The following CEP192 variants were observed in gnomAD, a reference collection of about 807,000 sequenced individuals.
CEP192 encodes centrosomal protein 192, also known as centrosomal protein of 192 kDa.
CEP192 carries 151 observed loss-of-function variants against 271.8 expected under a neutral mutation model. The ratio of observed to expected loss-of-function variants is 0.56; its 90% CI spans 0.49 to 0.64. CEP192 has a LOEUF of 0.64. Ranked by LOEUF, CEP192 falls within the 30% of genes least tolerant of loss-of-function variation. The pLI is 0.00. For synonymous variants in CEP192, 995 were observed against 1,076.5 expected (o/e 0.92, Z 1.48); for missense variants, 2,910 against 3,020.5 (o/e 0.96, Z 0.86).
rs562048636 is a variant in CEP192, at chr18:13,103,021, C to A, written c.6872-488C>A. ...TCATTGGTTGTTATTTCTGATTTAT[C>A]TTCTTCCTCCCTCCTGCCACTCTGT... On this transcript the variant is annotated intron_variant, in intron 38 of 44. Coordinates refer to ENST00000506447, the MANE Select transcript of CEP192 (RefSeq NM_032142.4). Among the ~76,000 whole-genome samples the A allele has an allele frequency of 3.9e-5, 6 of 152,310 alleles. No homozygotes were observed. The East Asian group carries it at 1.2e-3, about 29-fold the overall frequency.
rs112518592 is a variant in CEP192 at position 13,047,087 on chromosome 18, C to T, written c.2068-1772C>T. On this transcript the variant is annotated intron_variant, in intron 15 of 44. Coordinates refer to ENST00000506447, the MANE Select transcript of CEP192 (RefSeq NM_032142.4). ...GTTGGGTAGCTTTTGTTTTACCCTA[C>T]AGTTTAGAGGAAAAATCGTTGAAAT... Among the ~76,000 whole-genome samples, 1,125 of 152,166 alleles carry T rather than the reference C, an allele frequency of 7.4e-3. 10 individuals are homozygous for T. The highest frequency in any genetic ancestry group is 0.021 in the African/African-American group (889 of 41,488).
chr18:13,094,124 C>T (rs537126295), intron 34 of CEP192, among the ~76,000 whole-genome samples: 1 of 152,282 alleles, frequency 6.6e-6, no homozygotes, highest in South Asian at 2.1e-4. Flanking sequence ...TCTTCTCAGG[C>T]AGTGTACAGT....
intron 3 of CEP192, among the ~76,000 whole-genome samples, chr18:13,005,762 A>G (rs1446556607): frequency 6.6e-6 from 1 of 152,160 alleles, no homozygotes; most frequent in Non-Finnish European, 1.5e-5. Flanking sequence ...CTGGTGAGGG[A>G]TGGCTTCTTT....
chr18:13,094,080 T>C (rs2144774980), intron 34 of CEP192, among the ~76,000 whole-genome samples: 1 of 152,344 alleles, frequency 6.6e-6, no homozygotes, highest in South Asian at 2.1e-4. Flanking sequence ...TTCACACTTT[T>C]GGTAGGAATG....
intron 42 of CEP192, among the ~76,000 whole-genome samples, chr18:13,115,644 A>G (rs1311918115): frequency 2.6e-5 from 4 of 152,178 alleles, no homozygotes; most frequent in Non-Finnish European, 4.4e-5. Context: ...GACTGGAGAT[A>G]GGAGGGCCTC....
At chr18:13,096,935 A>G (rs1026403046) in intron 36 of CEP192, among the ~76,000 whole-genome samples, 7 of 152,184 alleles carry the variant, frequency 4.6e-5, no homozygotes, top group African/African-American at 1.7e-4. Context: ...TCAGGACTTC[A>G]TCTGGCCAGC....
chr18:13,026,121 T>C (rs35790309), intron 9 of CEP192, among the ~76,000 whole-genome samples: 107,806 of 152,114 alleles, frequency 0.71, 39,388 homozygotes, highest in African/African-American at 0.89. Context: ...GATAATTTCT[T>C]AGGGTACAGA....
intron 40 of CEP192, among the ~76,000 whole-genome samples, chr18:13,109,922 T>C (rs2040132933): frequency 6.6e-6 from 1 of 152,158 alleles, no homozygotes; most frequent in African/African-American, 2.4e-5. Flanking sequence ...GGTAAATAAA[T>C]GTGTTGCAAA....
chr18:13,078,585 C>T (rs1766627108), intron 30 of CEP192, among the ~76,000 whole-genome samples: 1 of 152,118 alleles, frequency 6.6e-6, no homozygotes, highest in Admixed American at 6.6e-5. Context: ...CATATCCTCT[C>T]CAGCATCTGT....
chr18:13,012,334 A>T (rs577651179), intron 4 of CEP192, among the ~76,000 whole-genome samples: 1 of 152,246 alleles, frequency 6.6e-6, no homozygotes, highest in East Asian at 1.9e-4. Context: ...GTACCTACCC[A>T]TTGGTATAAG....
In CEP192 at chr18:13,049,165, AG is replaced by A. The variant is rs1386834611; in HGVS notation, c.2375del (p.Arg792AsnfsTer36). 6.2e-7 allele frequency: 1 copy of A among 1,614,014 alleles called. No homozygotes were observed. The highest frequency in any genetic ancestry group is 1.7e-5 in the Admixed American group (1 of 60,016). On this transcript the variant is annotated frameshift_variant, in exon 16 of 45. Coordinates refer to ENST00000506447, the MANE Select transcript of CEP192 (RefSeq NM_032142.4). LOFTEE classifies it high-confidence loss of function. ...ATACCTTAAAAAAACAGAAGTTAGT[AG>A]ATATGAAAGTGCATTGGAAAACTTT... The part of the protein sequence containing the change: ...EKYLKKTEVS[R>X]YESALENFSR...
Position 13,092,468 on chromosome 18 carries a change from T to A in CEP192, c.6195T>A (p.Asp2065Glu). 1 of 1,609,842 alleles carries A rather than the reference T, an allele frequency of 6.2e-7. No homozygotes were observed. The highest frequency in any genetic ancestry group is 8.5e-7 in the Non-Finnish European group (1 of 1,177,246). ...IILSVIGEFRDCISSREFLQP... is the reference protein window; with the variant it reads ...IILSVIGEFRECISSREFLQP... ...TTTCAGTAATTGGAGAATTCAGAGA[T>A]TGCATTTCTAGCAGAGAATTCCTTC... The change falls in exon 34 of 45, where the codon GAT (aspartate) becomes GAA (glutamate). Residue 2065 changes from aspartate (D) to glutamate (E), a missense_variant. Transcript: ENST00000506447.
intron 4 of CEP192, 109 bp downstream of exon 4, chr18:13,008,740 G>A: frequency 1.2e-6 from 1 of 842,600 alleles, no homozygotes; most frequent in Admixed American, 3.0e-5. Context: ...TCGCACTCCT[G>A]TCGCCCAGGC....
At chr18:13,011,226 CAAA>C (rs200151034) in intron 4 of CEP192, among the ~76,000 whole-genome samples, 6 of 130,062 alleles carry the variant, frequency 4.6e-5, no homozygotes, top group Admixed American at 1.5e-4. Context: ...GACTCTGTCT[CAAA>C]AAAAAAAAAA....
chr18:13,072,620 A>G lies in CEP192; in HGVS notation c.5349-135A>G, dbSNP rs573240470. The G allele has an allele frequency of 2.9e-5, 19 of 664,108 alleles. 1 individual carries two copies. In the South Asian group the frequency reaches 3.3e-4, roughly 11 times the overall value. 41.1% of individuals were successfully genotyped at this position (664,108 alleles called of 1,614,324 possible). A position where few individuals can be genotyped will look rare whatever the true frequency, so the allele number is the denominator to read the frequency against. On this transcript the variant is annotated intron_variant, in intron 28 of 44. Coordinates refer to ENST00000506447, the MANE Select transcript of CEP192 (RefSeq NM_032142.4). Reference sequence around the variant, plus strand: ...TAGAGCCTAGGACTGTGGGGAGACAATTCCAGGCTACTGAAATGGCTTGTA... The same window carrying G: ...TAGAGCCTAGGACTGTGGGGAGACAGTTCCAGGCTACTGAAATGGCTTGTA...
At chr18:13,114,089 T>A in intron 41 of CEP192, 41 bp from the exon 42 acceptor site, 1 of 1,575,316 alleles carries the variant, frequency 6.3e-7, no homozygotes, top group East Asian at 2.2e-5. Context: ...ATTTTCTTAG[T>A]TTTTATTTCT....
Position 13,092,357 on chromosome 18 carries a change from A to G in CEP192, c.6104-20A>G. On this transcript the variant is annotated intron_variant, in intron 33 of 44. Transcript: ENST00000506447. ...CTTGTGTGAACATTCATGTATTTCA[A>G]ACATTATTTTCTATTTCAGTATATG... 2.6e-6 allele frequency: 4 copies of G among 1,526,720 alleles called. No individual in the cohort carries two copies. Among genetic ancestry groups the G allele is most frequent in the Non-Finnish European group, 3.6e-6 (4 of 1,112,932 alleles). 94.6% of individuals were successfully genotyped at this position (1,526,720 alleles called of 1,614,324 possible).
intron 3 of CEP192, among the ~76,000 whole-genome samples, chr18:13,006,068 A>G (rs901382456): frequency 3.3e-5 from 5 of 152,052 alleles, no homozygotes; most frequent in African/African-American, 1.2e-4. Flanking sequence ...TCAGTTCTGG[A>G]TAATTATGGT....
intron 40 of CEP192, among the ~76,000 whole-genome samples, chr18:13,110,878 C>T (rs558529803): frequency 2.0e-5 from 3 of 152,196 alleles, no homozygotes; most frequent in East Asian, 1.9e-4. Context: ...GCATCCAGCA[C>T]GGGATAAAAA....
Sources: gnomAD v4.1 joint callset for allele counts (sites outside exome capture counted in the v4.1 genomes callset) on GRCh38, gnomAD v4.1.1 for gene constraint, MANE v1.5 for transcripts, NCBI Gene and HGNC (gene_info 2026-07-23, HGNC 2026-07-21) for gene names.